The following IQCH variants were observed in gnomAD, a reference collection of about 807,000 sequenced individuals.
IQCH encodes IQ domain-containing protein H.
A neutral mutation model predicts 117.0 loss-of-function variants in IQCH; 98 were observed. That is an observed-to-expected ratio of 0.84 (90% CI 0.71 to 0.99). IQCH has a LOEUF of 0.99. Ranked by LOEUF, IQCH falls within the 50% of genes least tolerant of loss-of-function variation. The pLI is 0.00. For synonymous variants in IQCH, 412 were observed against 448.2 expected, an observed-to-expected ratio of 0.92 and a Z score of 1.02; for missense variants, 1,102 against 1,243.8, an observed-to-expected ratio of 0.89 and a Z score of 1.72.
intron 4 of IQCH, among the ~76,000 whole-genome samples, chr15:67,308,496 A>G (rs1045020220): frequency 1.8e-4 from 27 of 152,154 alleles, no homozygotes; most frequent in African/African-American, 6.3e-4. Context: ...GAAATGCCAT[A>G]TCCTATTTAT....
rs200254535 is a variant in IQCH at position 67,441,122 on chromosome 15, C to CAAAAAAAAAAA, written c.2505+19566_2505+19576dup. Among the ~76,000 whole-genome samples the CAAAAAAAAAAA allele has an allele frequency of 2.0e-4, 11 of 54,010 alleles. 1 individual carries two copies. The highest frequency in any genetic ancestry group is 4.7e-4 in the East Asian group (1 of 2,128). The allele number at this position is 54,010 out of a possible 152,430, so 35.4% of individuals were successfully genotyped here. A position where few individuals can be genotyped will look rare whatever the true frequency, so the allele number is the denominator to read the frequency against. On this transcript the variant is annotated intron_variant, in intron 16 of 20. Transcript: ENST00000335894. ...AACTCAACTCCTTTTGCAATAGCTG[C>CAAAAAAAAAAA]AAAAAAAAAAAAAAAAAAAAAAAAA...
chr15:67,397,504 C>G (rs1971509535), intron 13 of IQCH, among the ~76,000 whole-genome samples: 1 of 152,192 alleles, frequency 6.6e-6, no homozygotes, highest in Admixed American at 6.6e-5. Context: ...AATTAAAATA[C>G]TCCACTGAGA....
intron 4 of IQCH, among the ~76,000 whole-genome samples, chr15:67,284,774 C>CA (rs1323340186): frequency 6.6e-6 from 1 of 152,136 alleles, no homozygotes; most frequent in East Asian, 1.9e-4. Flanking sequence ...CATGTCCCTG[C>CA]AAAATACATG....
Position 67,381,910 on chromosome 15 carries a change from G to A in IQCH, c.1373-3026G>A, listed in dbSNP as rs1419681503. On this transcript the variant is annotated intron_variant, in intron 10 of 20. Coordinates refer to ENST00000335894, the MANE Select transcript of IQCH (RefSeq NM_001031715.3). The surrounding 1 kb of genome is among the most constrained non-coding windows in gnomAD (Gnocchi z 5.1). ...GTGGGAGGATCACTTGAGCCCAGGA[G>A]GTTGAGGCTGCAGTGAGTCGAGATT... 6.6e-6 allele frequency among the ~76,000 whole-genome samples: 1 copy of A among 151,984 alleles called. No homozygotes were observed. Among genetic ancestry groups the A allele is most frequent in the Non-Finnish European group, 1.5e-5 (1 of 68,014 alleles).
At chr15:67,353,666 C>G (rs1969767571) in intron 6 of IQCH, among the ~76,000 whole-genome samples, 1 of 151,964 alleles carries the variant, frequency 6.6e-6, no homozygotes, top group South Asian at 2.1e-4. Context: ...CAAAAATTGG[C>G]TTCTTTAAAA....
At position 67,417,406 on chromosome 15, in the gene IQCH, C is replaced by A. The variant is rs1288192840; in HGVS notation, c.2218+355C>A. ...CCACCAAGGCTCGTTTCCTCACTTA[C>A]CTACCTTACAGGGTCATTGGGTGGA... On this transcript the variant is annotated intron_variant, in intron 15 of 20. Coordinates refer to ENST00000335894, the MANE Select transcript of IQCH (RefSeq NM_001031715.3). The surrounding 1 kb of genome is among the most constrained non-coding windows in gnomAD (Gnocchi z 4.3). 6.6e-6 allele frequency among the ~76,000 whole-genome samples: 1 copy of A among 152,166 alleles called. No homozygotes were observed. Among genetic ancestry groups the A allele is most frequent in the Non-Finnish European group, 1.5e-5 (1 of 68,044 alleles).
At chr15:67,265,865 A>G (rs1965648570) in intron 3 of IQCH, among the ~76,000 whole-genome samples, 1 of 152,142 alleles carries the variant, frequency 6.6e-6, no homozygotes, top group Non-Finnish European at 1.5e-5. Context: ...TCATGCCTAG[A>G]AGGAGGAGAT....
chr15:67,324,361 C>A (rs888681187), intron 4 of IQCH, among the ~76,000 whole-genome samples: 4 of 151,520 alleles, frequency 2.6e-5, no homozygotes, highest in African/African-American at 9.7e-5. Flanking sequence ...CTTATAATCC[C>A]AGCACTTTGG....
At chr15:67,353,158 A>T (rs1187865893) in intron 6 of IQCH, among the ~76,000 whole-genome samples, 1 of 151,080 alleles carries the variant, frequency 6.6e-6, no homozygotes, top group Non-Finnish European at 1.5e-5. Flanking sequence ...AAAAAAAAAT[A>T]AAGAAAAAAG....
chr15:67,460,194 C>A (rs2082756717), intron 16 of IQCH, among the ~76,000 whole-genome samples: 1 of 152,064 alleles, frequency 6.6e-6, no homozygotes, highest in South Asian at 2.1e-4. Flanking sequence ...GCATTTGTAC[C>A]ATTTCAAGTG....
chr15:67,367,719 G>A (rs2140773303), intron 8 of IQCH, among the ~76,000 whole-genome samples: 1 of 152,226 alleles, frequency 6.6e-6, no homozygotes, highest in Admixed American at 6.5e-5. Flanking sequence ...TACGGGGGTA[G>A]GGGTCAGCAT....
chr15:67,310,685 T>A (rs1193832619), intron 4 of IQCH, among the ~76,000 whole-genome samples: 1 of 152,102 alleles, frequency 6.6e-6, no homozygotes, highest in Non-Finnish European at 1.5e-5. Context: ...TTGATTTAAG[T>A]TTGGGTTGGT....
In IQCH at chr15:67,453,510, G is replaced by A. The variant is rs1322754588; in HGVS notation, c.2506-11617G>A. ...GTCCACTCCAGACACTGTTTGCCTG[G>A]GTATCAGCAGCGGTGGCTGCAGAAC... On this transcript the variant is annotated intron_variant, in intron 16 of 20. Coordinates refer to ENST00000335894, the MANE Select transcript of IQCH (RefSeq NM_001031715.3). This position sits in a 1 kb window ranked among gnomAD's most constrained non-coding sequence, Gnocchi z 5.8. Among the ~76,000 whole-genome samples the A allele has an allele frequency of 6.6e-6, 1 of 152,156 alleles. No homozygotes were observed. Among genetic ancestry groups the A allele is most frequent in the Non-Finnish European group, 1.5e-5 (1 of 68,036 alleles).
intron 12 of IQCH, among the ~76,000 whole-genome samples, chr15:67,392,062 G>A (rs534470213): frequency 1.3e-5 from 2 of 152,296 alleles, no homozygotes; most frequent in East Asian, 3.9e-4. Context: ...CTGTGTTAAC[G>A]GGGTTTGAAT....
At chr15:67,332,806 G>T (rs1968722255) in intron 4 of IQCH, among the ~76,000 whole-genome samples, 1 of 152,158 alleles carries the variant, frequency 6.6e-6, no homozygotes, top group Non-Finnish European at 1.5e-5. Flanking sequence ...ACATTTTTCA[G>T]AGTCAACTTT....
At chr15:67,260,751 G>T (rs1965421656) in intron 1 of IQCH, among the ~76,000 whole-genome samples, 3 of 152,084 alleles carry the variant, frequency 2.0e-5, no homozygotes, top group African/African-American at 4.8e-5. Context: ...TAATATGAAA[G>T]AATAATTTTT....
In IQCH at chr15:67,388,877, C is replaced by T. The variant is rs559661815; in HGVS notation, c.1503C>T (p.Asp501=). The change falls in exon 12 of 21, where the codon GAC becomes GAT. Residue 501 remains aspartate (D), a synonymous_variant. Coordinates refer to ENST00000335894, the MANE Select transcript of IQCH (RefSeq NM_001031715.3). This position sits in a 1 kb window ranked among gnomAD's most constrained non-coding sequence, Gnocchi z 5.5. The part of the protein sequence containing the change: ...VIYICSHHMN[D]ELVLYYKKIL... Reference sequence around the variant, plus strand: ...ACATCTGCTCCCATCATATGAATGACGAGTTAGTGCTGTATTACAAAAAAA... The same window carrying T: ...ACATCTGCTCCCATCATATGAATGATGAGTTAGTGCTGTATTACAAAAAAA... The T allele has an allele frequency of 2.9e-5, 46 of 1,613,688 alleles. No individual in the cohort carries two copies. The highest frequency in any genetic ancestry group is 1.3e-4 in the South Asian group (12 of 91,052).
chr15:67,267,488 A>G (rs1036556172), intron 3 of IQCH, among the ~76,000 whole-genome samples: 11 of 152,314 alleles, frequency 7.2e-5, no homozygotes, highest in South Asian at 6.2e-4. Context: ...TCTCTGTATG[A>G]TTGAGAGCTT....
intron 4 of IQCH, among the ~76,000 whole-genome samples, chr15:67,312,789 A>T (rs1327605592): frequency 4.6e-5 from 7 of 152,260 alleles, no homozygotes; most frequent in African/African-American, 1.7e-4. Flanking sequence ...GAGAAATGGG[A>T]CTAATAGGAT....
Sources: gnomAD v4.1 joint callset for allele counts (sites outside exome capture counted in the v4.1 genomes callset) on GRCh38, gnomAD v4.1.1 for gene constraint, Gnocchi (gnomAD v3.1) non-coding constraint, MANE v1.5 for transcripts, NCBI Gene and HGNC (gene_info 2026-07-23, HGNC 2026-07-21) for gene names.